MAST4: variants seen among roughly 807,000 people sequenced by gnomAD.
MAST4 encodes the protein microtubule-associated serine/threonine-protein kinase 4.
In MAST4, 89 loss-of-function variants were observed where a neutral mutation model predicts 162.7. The ratio of observed to expected loss-of-function variants is 0.55; its 90% CI spans 0.46 to 0.65. The LOEUF (loss-of-function observed/expected upper bound fraction) is 0.65, where lower values mean the gene tolerates loss of function less well. Ranked by LOEUF, MAST4 falls within the 30% of genes least tolerant of loss-of-function variation. The pLI, the probability that MAST4 is intolerant of heterozygous loss-of-function variation, is 0.00. For missense variants in MAST4, 3,153 were observed against 3,374.0 expected, an observed-to-expected ratio of 0.93 and a Z score of 1.62; for synonymous variants, 1,479 against 1,361.1, an observed-to-expected ratio of 1.09 and a Z score of -1.91.
chr5:67,095,703 TCTC>T, intron 7 of MAST4, 28 bp downstream of exon 7: 2 of 1,449,882 alleles, frequency 1.4e-6, no homozygotes, highest in Non-Finnish European at 1.9e-6. Context: ...TTTTTTTTTT[TCTC>T]TTCCTCACAA....
chr5:66,799,812 G>A (rs1443356280), intron 3 of MAST4, among the ~76,000 whole-genome samples: 1 of 152,120 alleles, frequency 6.6e-6, no homozygotes, highest in Admixed American at 6.6e-5. Context: ...TGGCTGCCTG[G>A]GTTGGAGTCT....
intron 1 of MAST4, among the ~76,000 whole-genome samples, chr5:66,747,235 G>A (rs1360894043): frequency 6.6e-6 from 1 of 151,964 alleles, no homozygotes; most frequent in Non-Finnish European, 1.5e-5. Context: ...GAAGGGAACA[G>A]AGAAAATCAA....
At chr5:66,807,654 T>C (rs26388) in intron 3 of MAST4, among the ~76,000 whole-genome samples, 124,272 of 152,146 alleles carry the variant, frequency 0.82, 50,900 homozygotes, top group Non-Finnish European at 0.85. Context: ...CCTCTAATTC[T>C]CTGTGCCCCA....
In MAST4 at chr5:67,165,861, G is replaced by A. The variant is rs1420770377; in HGVS notation, c.6682G>A (p.Ala2228Thr). Residue 2228 changes from alanine (A) to threonine (T), a missense_variant, in exon 29 of 29, where the codon GCC becomes ACC. Coordinates refer to ENST00000403625, the MANE Select transcript of MAST4 (RefSeq NM_001164664.2). ...SVGATKGKEP[A>T]TQSLGGSSRE... Reference sequence around the variant, plus strand: ...CGGGGCCACAAAGGGCAAAGAGCCTGCCACTCAGTCCCTCGGTGGCTCTAG... The same window carrying A: ...CGGGGCCACAAAGGGCAAAGAGCCTACCACTCAGTCCCTCGGTGGCTCTAG... 2.5e-6 allele frequency: 4 copies of A among 1,613,302 alleles called. No individual in the cohort carries two copies. The East Asian group carries it at 6.7e-5, about 27-fold the overall frequency.
At chr5:66,731,381 G>T (rs142572978) in intron 1 of MAST4, among the ~76,000 whole-genome samples, 1 of 152,130 alleles carries the variant, frequency 6.6e-6, no homozygotes, top group Admixed American at 6.5e-5. Flanking sequence ...GAGTTTGCTC[G>T]ATTCTAGGTT....
intron 4 of MAST4, among the ~76,000 whole-genome samples, chr5:66,992,586 G>A (rs188552353): frequency 4.9e-4 from 75 of 152,254 alleles, no homozygotes; most frequent in African/African-American, 1.8e-3. Context: ...TCAACTAAAC[G>A]TTAATTCTTA....
intron 5 of MAST4, among the ~76,000 whole-genome samples, chr5:67,056,239 G>C (rs1223896080): frequency 6.6e-6 from 1 of 151,982 alleles, no homozygotes; most frequent in African/African-American, 2.4e-5. Flanking sequence ...ACGTAATGAG[G>C]ATACATTACT....
chr5:67,062,680 T>C (rs1207497325), intron 5 of MAST4, among the ~76,000 whole-genome samples: 3 of 152,218 alleles, frequency 2.0e-5, no homozygotes, highest in Non-Finnish European at 4.4e-5. Context: ...CATGGAGTCA[T>C]AACAAATTAA....
At chr5:66,760,077 CTATT>C (rs1554049949) in intron 2 of MAST4, among the ~76,000 whole-genome samples, 5,424 of 146,976 alleles carry the variant, frequency 0.037, 128 homozygotes, top group Middle Eastern at 0.078. Flanking sequence ...ACAATATCCC[CTATT>C]TATTTATTTA....
chr5:67,110,807 T>TGAGGTCAG (rs1766147929), intron 11 of MAST4, among the ~76,000 whole-genome samples: 1 of 152,196 alleles, frequency 6.6e-6, no homozygotes, highest in Non-Finnish European at 1.5e-5. Flanking sequence ...GCAGATCACC[T>TGAGGTCAG]GAGGTCAGGA....
chr5:66,810,233 A>G (rs1045579192), intron 3 of MAST4, among the ~76,000 whole-genome samples: 2 of 152,164 alleles, frequency 1.3e-5, no homozygotes, highest in African/African-American at 2.4e-5. Flanking sequence ...GTTGTGTTGT[A>G]TTAAATGATG....
chr5:66,791,341 C>G (rs1456013228), intron 3 of MAST4, among the ~76,000 whole-genome samples: 1 of 152,208 alleles, frequency 6.6e-6, no homozygotes, highest in East Asian at 1.9e-4. Flanking sequence ...AGTAATCTAT[C>G]TTCTTACTAG....
At chr5:66,785,909 C>T (rs1402021440) in intron 2 of MAST4, among the ~76,000 whole-genome samples, 2 of 152,154 alleles carry the variant, frequency 1.3e-5, no homozygotes, top group African/African-American at 2.4e-5. Context: ...CACTCTGTCA[C>T]CCAGGCTGGA....
At chr5:66,789,831 T>A in intron 3 of MAST4, 1 of 499,604 alleles carries the variant, frequency 2.0e-6, no homozygotes. Flanking sequence ...AATCCATTGA[T>A]GATTCTTGCC....
chr5:66,874,385 A>C (rs1379211424), intron 3 of MAST4, among the ~76,000 whole-genome samples: 1 of 152,240 alleles, frequency 6.6e-6, no homozygotes, highest in Non-Finnish European at 1.5e-5. Context: ...GAGAGTGTAC[A>C]GAGGATTAGT....
intron 4 of MAST4, among the ~76,000 whole-genome samples, chr5:66,976,314 C>G (rs1213362582): frequency 1.3e-5 from 2 of 152,218 alleles, no homozygotes; most frequent in African/African-American, 4.8e-5. Flanking sequence ...TGCTGCAGGC[C>G]CTGCTGTGAA....
At chr5:67,000,432 G>A (rs1458231799) in intron 4 of MAST4, among the ~76,000 whole-genome samples, 4 of 152,150 alleles carry the variant, frequency 2.6e-5, no homozygotes, top group Admixed American at 6.5e-5. Context: ...ATTGTTCTAC[G>A]TGGACTGGAG....
At chr5:66,666,938 G>A (rs1387112995) in intron 1 of MAST4, among the ~76,000 whole-genome samples, 1 of 152,202 alleles carries the variant, frequency 6.6e-6, no homozygotes, top group Non-Finnish European at 1.5e-5. Context: ...CAACCAGGTA[G>A]CAGGGCAGTG....
chr5:66,631,514 G>A (rs768703566), intron 1 of MAST4, among the ~76,000 whole-genome samples: 1 of 152,106 alleles, frequency 6.6e-6, no homozygotes, highest in African/African-American at 2.4e-5. Context: ...GAGTGTCACC[G>A]TGAGCTGTGG....
Sources: allele counts gnomAD v4.1 joint callset (sites outside exome capture counted in the v4.1 genomes callset), GRCh38; gene constraint gnomAD v4.1.1; transcripts MANE v1.5; gene names NCBI Gene and HGNC (gene_info 2026-07-23, HGNC 2026-07-21).